The following RANBP2 variants were observed in gnomAD, a reference collection of about 807,000 sequenced individuals.
The protein encoded by RANBP2 is E3 SUMO-protein ligase RanBP2.
In RANBP2, 57 loss-of-function variants were observed where a neutral mutation model predicts 303.6. The ratio of observed to expected loss-of-function variants is 0.19; its 90% confidence interval spans 0.15 to 0.23. RANBP2 has a LOEUF of 0.23. Among genes scored for constraint, RANBP2 ranks in the 10% least tolerant of loss-of-function variants. RANBP2 has a pLI of 1.00. For missense variants in RANBP2, 3,138 were observed against 3,780.8 expected (o/e 0.83, Z 4.46); for synonymous variants, 1,167 against 1,301.5 (o/e 0.90, Z 2.23).
chr2:109,594,163 A>G, the RANBP2 span, among the ~76,000 whole-genome samples: 2 of 152,332 alleles, frequency 1.3e-5, no homozygotes, highest in South Asian at 2.1e-4. Flanking sequence ...AGAGAGGTAC[A>G]AGAAAAACTG....
chr2:109,210,034 A>G, the RANBP2 span, among the ~76,000 whole-genome samples: 79 of 152,324 alleles, frequency 5.2e-4, no homozygotes, highest in Middle Eastern at 0.01. Flanking sequence ...TGACTATTCT[A>G]GGGACCGCAG....
the RANBP2 span, among the ~76,000 whole-genome samples, chr2:108,857,895 C>A: frequency 6.6e-6 from 1 of 152,196 alleles, no homozygotes; most frequent in Non-Finnish European, 1.5e-5. Context: ...GAGATGGCAT[C>A]TTTCTCGTTG....
chr2:108,742,782 G>T (rs947824443), intron 7 of RANBP2, among the ~76,000 whole-genome samples: 1 of 151,902 alleles, frequency 6.6e-6, no homozygotes, highest in Non-Finnish European at 1.5e-5. Context: ...GTAACTGATA[G>T]TTCTTATTTT....
the RANBP2 span, among the ~76,000 whole-genome samples, chr2:109,275,543 G>C: frequency 6.6e-6 from 1 of 152,200 alleles, no homozygotes; most frequent in Non-Finnish European, 1.5e-5. Context: ...AAGCGTCACA[G>C]GAAATGTGCA....
chr2:109,435,826 A>G, the RANBP2 span, among the ~76,000 whole-genome samples: 3 of 152,162 alleles, frequency 2.0e-5, no homozygotes, highest in Admixed American at 2.0e-4. Flanking sequence ...AGAAAATGGG[A>G]TTTTTAAATT....
chr2:109,156,323 C>T, the RANBP2 span, among the ~76,000 whole-genome samples: 1 of 152,216 alleles, frequency 6.6e-6, no homozygotes, highest in Non-Finnish European at 1.5e-5. Flanking sequence ...GCATCTTCCC[C>T]TGCTGGGACT....
chr2:109,582,423 G>A, the RANBP2 span, among the ~76,000 whole-genome samples: 1 of 152,104 alleles, frequency 6.6e-6, no homozygotes, highest in African/African-American at 2.4e-5. Context: ...AGGCTCAAGT[G>A]ATAGTCCCAC....
chr2:109,544,057 A>G, the RANBP2 span: 1 of 1,222,038 alleles, frequency 8.2e-7, no homozygotes, highest in African/African-American at 1.5e-5. Context: ...CAGTGCTCAA[A>G]AAGATTCAGA....
chr2:108,727,814 G>C (rs971732902), intron 1 of RANBP2, among the ~76,000 whole-genome samples: 2 of 151,992 alleles, frequency 1.3e-5, no homozygotes, highest in African/African-American at 4.8e-5. Context: ...TGTTGGCCAG[G>C]CTGGTCTCGA....
chr2:109,531,467 C>G, the RANBP2 span, among the ~76,000 whole-genome samples: 1 of 152,222 alleles, frequency 6.6e-6, no homozygotes, highest in African/African-American at 2.4e-5. Flanking sequence ...TTGCTGAAAT[C>G]ATGGCGAATC....
At chr2:109,303,777 C>T in the RANBP2 span, among the ~76,000 whole-genome samples, 9 of 152,196 alleles carry the variant, frequency 5.9e-5, no homozygotes, top group Admixed American at 1.3e-4. Context: ...TTCTACATCT[C>T]GATGAGTCTG....
the RANBP2 span, among the ~76,000 whole-genome samples, chr2:109,474,840 A>G: frequency 6.6e-6 from 1 of 152,220 alleles, no homozygotes; most frequent in East Asian, 1.9e-4. Context: ...TGTGTGCGCC[A>G]AAGTCTACAC....
the RANBP2 span, among the ~76,000 whole-genome samples, chr2:108,858,655 G>A: frequency 6.6e-6 from 1 of 151,804 alleles, no homozygotes; most frequent in Non-Finnish European, 1.5e-5. Context: ...TTTGAGATTG[G>A]AAACCCATTT....
the RANBP2 span, among the ~76,000 whole-genome samples, chr2:109,536,885 C>A: frequency 6.6e-6 from 1 of 152,166 alleles, no homozygotes; most frequent in African/African-American, 2.4e-5. Context: ...CAAGCTCTCT[C>A]TTTGCCTGCT....
chr2:108,916,143 C>T, the RANBP2 span, among the ~76,000 whole-genome samples: 1 of 152,078 alleles, frequency 6.6e-6, no homozygotes, highest in African/African-American at 2.4e-5. Context: ...GGCATAGTTT[C>T]CAGCATGACC....
chr2:109,290,508 T>C, the RANBP2 span, among the ~76,000 whole-genome samples: 1 of 152,268 alleles, frequency 6.6e-6, no homozygotes, highest in Non-Finnish European at 1.5e-5. Context: ...TTTTCCTCAC[T>C]GTCTCCTACA....
chr2:109,686,317 T>C, the RANBP2 span, among the ~76,000 whole-genome samples: 1 of 152,078 alleles, frequency 6.6e-6, no homozygotes, highest in Non-Finnish European at 1.5e-5. Context: ...TTGGTTTTAG[T>C]ACTTTTTTTT....
At chr2:109,657,354 G>C in the RANBP2 span, among the ~76,000 whole-genome samples, 1 of 152,048 alleles carries the variant, frequency 6.6e-6, no homozygotes, top group African/African-American at 2.4e-5. Context: ...AGGCTGAGGT[G>C]GGAGGATCAC....
At chr2:108,729,971 G>T (rs1304512796) in intron 2 of RANBP2, among the ~76,000 whole-genome samples, 1 of 151,938 alleles carries the variant, frequency 6.6e-6, no homozygotes, top group Non-Finnish European at 1.5e-5. Flanking sequence ...TGCCTGCCTC[G>T]GCCTCCCGTA....
Sources: allele counts gnomAD v4.1 joint callset (sites outside exome capture counted in the v4.1 genomes callset), GRCh38; gene constraint gnomAD v4.1.1; transcripts MANE v1.5; gene names NCBI Gene and HGNC (gene_info 2026-07-23, HGNC 2026-07-21).